PLA2G12A: variants seen among roughly 807,000 people sequenced by gnomAD.
The protein encoded by PLA2G12A is group XIIA secretory phospholipase A2.
In PLA2G12A, 11 loss-of-function variants were observed where a neutral mutation model predicts 16.0. The observed-to-expected ratio is 0.69, with a 90% confidence interval of 0.43 to 1.13. The LOEUF is 1.13. Among genes scored for constraint, PLA2G12A ranks in the 50% most tolerant of loss-of-function variants. PLA2G12A has a pLI of 0.00. For synonymous variants in PLA2G12A, 77 were observed against 93.8 expected (o/e 0.82, Z 1.03); for missense variants, 214 against 237.3 (o/e 0.90, Z 0.65).
chr4:109,719,919 C>A (rs932772485), intron 1 of PLA2G12A, among the ~76,000 whole-genome samples: 6 of 152,168 alleles, frequency 3.9e-5, no homozygotes, highest in East Asian at 1.9e-4. Flanking sequence ...CAAAAAAAAA[C>A]CCCACAATTA....
At chr4:109,725,086 C>A (rs543124228) in intron 1 of PLA2G12A, among the ~76,000 whole-genome samples, 2 of 152,064 alleles carry the variant, frequency 1.3e-5, no homozygotes, top group African/African-American at 2.4e-5. Context: ...TAACATTAGT[C>A]GGTTTCTATG....
rs2126165878 is a variant in PLA2G12A, at chr4:109,713,304, G to A, written c.*1073C>T. 6.6e-6 allele frequency: 1 copy of A among 152,250 alleles called. No homozygotes were observed. Among genetic ancestry groups the A allele is most frequent in the Non-Finnish European group, 1.5e-5 (1 of 68,004 alleles). The allele number at this position is 152,250 out of a possible 1,614,324, so 9.4% of individuals were successfully genotyped here. On this transcript the variant is annotated 3_prime_UTR_variant, in exon 4 of 4. Transcript: ENST00000243501. ...CTTCAGAAGCTGTTGAAGTTTTCTT[G>A]GATTTGCTCTAAACATATGGTAATA...
At position 109,711,446 on chromosome 4, in the gene PLA2G12A, AAAGT is replaced by A. The variant is rs958722420; in HGVS notation, c.*2927_*2930del. ...AACCTGGAGCATCTTGTAGTGCCAGAAAGTAAGAAGTGCTCAAAAATCAAAAGGA... is the reference window on the plus strand; with the variant it reads ...AACCTGGAGCATCTTGTAGTGCCAGAAAGAAGTGCTCAAAAATCAAAAGGA... On this transcript the variant is annotated 3_prime_UTR_variant, in exon 4 of 4. Transcript: ENST00000243501. 3.3e-5 allele frequency: 5 copies of A among 152,162 alleles called. No homozygotes were observed. The highest frequency in any genetic ancestry group is 1.2e-4 in the African/African-American group (5 of 41,434). 9.4% of individuals were successfully genotyped at this position (152,162 alleles called of 1,614,324 possible). A position where few individuals can be genotyped will look rare whatever the true frequency, so the allele number is the denominator to read the frequency against.
intron 1 of PLA2G12A, among the ~76,000 whole-genome samples, chr4:109,725,734 T>C (rs1372400966): frequency 6.6e-6 from 1 of 152,200 alleles, no homozygotes; most frequent in Admixed American, 6.5e-5. Flanking sequence ...ATGTATTTTT[T>C]CTAAATTTGA....
chr4:109,720,685 C>T (rs1239910316), intron 1 of PLA2G12A, among the ~76,000 whole-genome samples: 7 of 133,516 alleles, frequency 5.2e-5, no homozygotes, highest in African/African-American at 1.4e-4. Flanking sequence ...AAAAAATAAA[C>T]GGTTTCAGTG....
intron 1 of PLA2G12A, among the ~76,000 whole-genome samples, chr4:109,721,893 A>G (rs1022375697): frequency 2.6e-5 from 4 of 152,084 alleles, no homozygotes; most frequent in South Asian, 4.1e-4. Flanking sequence ...CCTTCAAAAT[A>G]TTCAGAATCT....
At chr4:109,718,781 T>G (rs112472310) in intron 1 of PLA2G12A, 22 bp from the exon 2 acceptor site, 4 of 1,475,596 alleles carry the variant, frequency 2.7e-6, no homozygotes, top group Non-Finnish European at 2.8e-6. Context: ...AATGGTATCA[T>G]AATTAATTTT....
rs1053847403 is a variant in PLA2G12A, at chr4:109,713,452, T to C, written c.*925A>G. The stretch of plus-strand genomic sequence containing the variant: ...GCACAAATTTTAGTAAGACCACAGT[T>C]AGTAAAAGGTTACAGTCTTTAAAAA... On this transcript the variant is annotated 3_prime_UTR_variant, in exon 4 of 4. Transcript: ENST00000243501. 2 of 152,208 alleles carry C rather than the reference T, an allele frequency of 1.3e-5. No homozygotes were observed. Among genetic ancestry groups the C allele is most frequent in the African/African-American group, 4.8e-5 (2 of 41,458 alleles). 9.4% of individuals were successfully genotyped at this position (152,208 alleles called of 1,614,324 possible). A position where few individuals can be genotyped will look rare whatever the true frequency, so the allele number is the denominator to read the frequency against.
chr4:109,711,435 T>C lies in PLA2G12A; in HGVS notation c.*2942A>G, dbSNP rs1730727727. On this transcript the variant is annotated 3_prime_UTR_variant, in exon 4 of 4. Coordinates refer to ENST00000243501, the MANE Select transcript of PLA2G12A (RefSeq NM_030821.5). ...TATCCAAGATGAACCTGGAGCATCTTGTAGTGCCAGAAAGTAAGAAGTGCT... is the reference window on the plus strand; with the variant it reads ...TATCCAAGATGAACCTGGAGCATCTCGTAGTGCCAGAAAGTAAGAAGTGCT... 6.6e-6 allele frequency: 1 copy of C among 152,096 alleles called. No individual in the cohort carries two copies. Among genetic ancestry groups the C allele is most frequent in the Non-Finnish European group, 1.5e-5 (1 of 68,034 alleles). The allele number at this position is 152,096 out of a possible 1,614,324, so 9.4% of individuals were successfully genotyped here.
intron 2 of PLA2G12A, among the ~76,000 whole-genome samples, chr4:109,718,030 C>T (rs917465209): frequency 2.6e-5 from 4 of 152,138 alleles, no homozygotes; most frequent in Non-Finnish European, 4.4e-5. Context: ...AAAGATGAGG[C>T]TAAGTCCATT....
At chr4:109,728,198 T>C (rs1382902328) in intron 1 of PLA2G12A, among the ~76,000 whole-genome samples, 2 of 152,216 alleles carry the variant, frequency 1.3e-5, no homozygotes, top group African/African-American at 4.8e-5. Context: ...TGGCCCCTCG[T>C]CTGCCCTGAT....
rs533576170 is a variant in PLA2G12A, at chr4:109,721,972, C to A, written c.209-3213G>T. On this transcript the variant is annotated intron_variant, in intron 1 of 3. Coordinates refer to ENST00000243501, the MANE Select transcript of PLA2G12A (RefSeq NM_030821.5). ...CCACAATGGATTATTGCTATAAACTCCTAACTATTTGCCCTACTTTGGTTC... is the reference window on the plus strand; with the variant it reads ...CCACAATGGATTATTGCTATAAACTACTAACTATTTGCCCTACTTTGGTTC... 3.9e-5 allele frequency among the ~76,000 whole-genome samples: 6 copies of A among 152,282 alleles called. No individual in the cohort carries two copies. In the South Asian group the frequency reaches 8.3e-4, roughly 21 times the overall value.
At position 109,713,212 on chromosome 4, in the gene PLA2G12A, A is replaced by C. The variant is rs1426648231; in HGVS notation, c.*1165T>G. 6.6e-6 allele frequency: 1 copy of C among 152,220 alleles called. No homozygotes were observed. The highest frequency in any genetic ancestry group is 2.4e-5 in the African/African-American group (1 of 41,460). The allele number at this position is 152,220 out of a possible 1,614,324, so 9.4% of individuals were successfully genotyped here. On this transcript the variant is annotated 3_prime_UTR_variant, in exon 4 of 4. Transcript: ENST00000243501. ...GAAAGGTTAACAACCAGTAGTCAGC[A>C]AAGACCGGTCTAGGAACATAACTGA...
At chr4:109,727,486 G>A (rs1023312258) in intron 1 of PLA2G12A, among the ~76,000 whole-genome samples, 1 of 152,014 alleles carries the variant, frequency 6.6e-6, no homozygotes, top group African/African-American at 2.4e-5. Context: ...TCCGTTAAAC[G>A]TAGAGTACTT....
At chr4:109,714,930 C>G (rs1247472899) in intron 3 of PLA2G12A, among the ~76,000 whole-genome samples, 1 of 150,476 alleles carries the variant, frequency 6.6e-6, no homozygotes, top group Non-Finnish European at 1.5e-5. Flanking sequence ...TAATTTTAAA[C>G]AGACACACAA....
Position 109,729,949 on chromosome 4 carries a change from G to A in PLA2G12A, c.-140C>T. The A allele has an allele frequency of 1.4e-6, 1 of 691,076 alleles. No homozygotes were observed. The highest frequency in any genetic ancestry group is 2.3e-6 in the Non-Finnish European group (1 of 440,084). 42.8% of individuals were successfully genotyped at this position (691,076 alleles called of 1,614,324 possible). A position where few individuals can be genotyped will look rare whatever the true frequency, so the allele number is the denominator to read the frequency against. The stretch of plus-strand genomic sequence containing the variant: ...CCATATCCACGCCTCCTTCCCGGCT[G>A]GCCCTCAGGATCTCGCTGTCTTTAC... On this transcript the variant is annotated 5_prime_UTR_variant, in exon 1 of 4. Coordinates refer to ENST00000243501, the MANE Select transcript of PLA2G12A (RefSeq NM_030821.5).
At position 109,710,171 on chromosome 4, in the gene PLA2G12A, T is replaced by C. The variant is rs748345490; in HGVS notation, c.*4206A>G. The C allele has an allele frequency of 6.6e-6, 1 of 152,200 alleles. No individual in the cohort carries two copies. The highest frequency in any genetic ancestry group is 2.4e-5 in the African/African-American group (1 of 41,442). 9.4% of individuals were successfully genotyped at this position (152,200 alleles called of 1,614,324 possible). On this transcript the variant is annotated 3_prime_UTR_variant, in exon 4 of 4. Coordinates refer to ENST00000243501, the MANE Select transcript of PLA2G12A (RefSeq NM_030821.5). ...TCACTACATAAGGCTTAAATCAATA[T>C]ATTGCAAGTAATTTCTATGAATTTT... is the stretch of plus-strand genomic sequence containing the variant.
rs1353004098 is a variant in PLA2G12A, at chr4:109,728,359, C to T, written c.208+1243G>A. On this transcript the variant is annotated intron_variant, in intron 1 of 3. Coordinates refer to ENST00000243501, the MANE Select transcript of PLA2G12A (RefSeq NM_030821.5). The stretch of plus-strand genomic sequence containing the variant: ...AACAACATCTGAAGCACAGTTGGGA[C>T]TCAAATATTTGTATAATGAATAGGA... 2.0e-5 allele frequency among the ~76,000 whole-genome samples: 3 copies of T among 152,202 alleles called. No individual in the cohort carries two copies. In the South Asian group the frequency reaches 6.2e-4, roughly 31 times the overall value.
At chr4:109,717,479 C>A in intron 3 of PLA2G12A, 69 bp downstream of exon 3, 1 of 1,473,802 alleles carries the variant, frequency 6.8e-7, no homozygotes, top group Non-Finnish European at 9.4e-7. Context: ...AAATCCTATA[C>A]TAAAACATAG....
Sources: gnomAD v4.1 joint callset for allele counts (sites outside exome capture counted in the v4.1 genomes callset) on GRCh38, gnomAD v4.1.1 for gene constraint, MANE v1.5 for transcripts, NCBI Gene and HGNC (gene_info 2026-07-23, HGNC 2026-07-21) for gene names.